Variants in BAZ1A observed in about 807,000 individuals in gnomAD.
The protein encoded by BAZ1A is bromodomain adjacent to zinc finger domain 1A.
BAZ1A carries 50 observed loss-of-function variants against 185.2 expected under a neutral mutation model. The observed-to-expected ratio is 0.27, with a 90% confidence interval of 0.22 to 0.34. BAZ1A has a LOEUF of 0.34. Among genes scored for constraint, BAZ1A ranks in the 10% least tolerant of loss-of-function variants. The probability of loss-of-function intolerance (pLI) is 1.00; values close to 1 mark genes in which losing one functional copy is unlikely to be tolerated. For missense variants in BAZ1A, 1,356 were observed against 1,839.9 expected, an observed-to-expected ratio of 0.74 and a Z score of 4.81; for synonymous variants, 571 against 615.6, an observed-to-expected ratio of 0.93 and a Z score of 1.07.
At chr14:34,795,802 G>C (rs1405800460) in intron 9 of BAZ1A, 37 bp from the exon 10 acceptor site, 2 of 1,493,192 alleles carry the variant, frequency 1.3e-6, no homozygotes, top group Non-Finnish European at 9.3e-7. Context: ...ATTCATGTAA[G>C]AAATTTATAT....
chr14:34,858,461 G>T (rs1292729016), intron 3 of BAZ1A, among the ~76,000 whole-genome samples: 3 of 152,030 alleles, frequency 2.0e-5, no homozygotes, highest in Non-Finnish European at 4.4e-5. Flanking sequence ...AAGTTACAGA[G>T]AAGAAAAAAC....
chr14:34,805,878 CAT>C lies in BAZ1A; in HGVS notation c.726+1571_726+1572del, dbSNP rs71896473. Among the ~76,000 whole-genome samples, 1,429 of 149,830 alleles carry C rather than the reference CAT, an allele frequency of 9.5e-3. 24 individuals carry two copies. Among genetic ancestry groups the C allele is most frequent in the African/African-American group, 0.033 (1,362 of 40,810 alleles). On this transcript the variant is annotated intron_variant, in intron 6 of 26. Transcript: ENST00000360310. ...CCAGCGCTTGCCCTTGAAATCTACA[CAT>C]GACTTTTTTTTTTTTTTTCCCTTAG... is the stretch of plus-strand genomic sequence containing the variant.
chr14:34,844,737 AAC>A (rs2042476007), intron 3 of BAZ1A, among the ~76,000 whole-genome samples: 1 of 151,358 alleles, frequency 6.6e-6, no homozygotes, highest in Non-Finnish European at 1.5e-5. Context: ...TAGCCTGGGC[AAC>A]AGAGTGTGAC....
Position 34,753,576 on chromosome 14 carries a change from G to A in BAZ1A, c.4603C>T (p.Leu1535Phe). The change falls in exon 27 of 27, where the codon CTC becomes TTC. Residue 1535 changes from leucine (L) to phenylalanine (F), a missense_variant. By Grantham distance (22) the Leu-to-Phe change is conservative. Coordinates refer to ENST00000360310, the MANE Select transcript of BAZ1A (RefSeq NM_013448.3). Reference protein sequence around the residue: ...FFHIQAQKLGLHVTPSNVDQV... With the variant: ...FFHIQAQKLGFHVTPSNVDQV... ...TCCACATTACTGGGTGTGACGTGGA[G>A]TCCAAGCTTTTGAGCCTGAATATGA... is the stretch of plus-strand genomic sequence containing the variant. 1 of 1,614,126 alleles carries A rather than the reference G, an allele frequency of 6.2e-7. No homozygotes were observed. Among genetic ancestry groups the A allele is most frequent in the Non-Finnish European group, 8.5e-7 (1 of 1,180,006 alleles).
chr14:34,801,041 G>A (rs543369627), intron 8 of BAZ1A, 53 bp downstream of exon 8: 20 of 1,343,568 alleles, frequency 1.5e-5, no homozygotes, highest in Non-Finnish European at 1.9e-5. Context: ...CAGGCACAGA[G>A]AAATATTCTT....
chr14:34,863,841 T>C (rs965845146), intron 2 of BAZ1A, among the ~76,000 whole-genome samples: 29 of 87,658 alleles, frequency 3.3e-4, no homozygotes, highest in Non-Finnish European at 6.6e-4. Context: ...TAATTCTATA[T>C]TGTTTGAATT....
chr14:34,810,613 A>G (rs1162450909), intron 5 of BAZ1A, among the ~76,000 whole-genome samples: 2 of 152,154 alleles, frequency 1.3e-5, no homozygotes, highest in Non-Finnish European at 2.9e-5. Context: ...AAATGGCTCA[A>G]TAAGTCCATT....
chr14:34,819,745 G>T (rs1329085474), intron 4 of BAZ1A, among the ~76,000 whole-genome samples: 2 of 152,118 alleles, frequency 1.3e-5, no homozygotes, highest in African/African-American at 4.8e-5. Flanking sequence ...CCATGTGCAG[G>T]TTTTTGTGTG....
intron 3 of BAZ1A, among the ~76,000 whole-genome samples, chr14:34,860,410 A>G (rs1318915374): frequency 4.0e-5 from 6 of 149,094 alleles, no homozygotes; most frequent in Non-Finnish European, 8.9e-5. Context: ...CAGGAGGCTG[A>G]GGTGGGAGGA....
chr14:34,818,577 TATA>T (rs1156929621), intron 4 of BAZ1A, among the ~76,000 whole-genome samples: 5 of 152,178 alleles, frequency 3.3e-5, no homozygotes, highest in African/African-American at 1.2e-4. Flanking sequence ...CACAAATGTA[TATA>T]ATGACAGGTA....
In BAZ1A at chr14:34,874,705, C is replaced by A. The variant is rs2043014297; in HGVS notation, c.-58-43G>T. Reference sequence around the variant, plus strand: ...AAAGGAAAGCCGGTAAGGTGGGGAGCCCTCGGCGGCAGCGTGGGCCGGTCC... The same window carrying A: ...AAAGGAAAGCCGGTAAGGTGGGGAGACCTCGGCGGCAGCGTGGGCCGGTCC... On this transcript the variant is annotated intron_variant, in intron 1 of 26. Coordinates refer to ENST00000360310, the MANE Select transcript of BAZ1A (RefSeq NM_013448.3). This position sits in a 1 kb window ranked among gnomAD's most constrained non-coding sequence, Gnocchi z 4.7. 3 of 995,490 alleles carry A rather than the reference C, an allele frequency of 3.0e-6. No homozygotes were observed. Among genetic ancestry groups the A allele is most frequent in the Non-Finnish European group, 4.3e-6 (3 of 693,564 alleles). 61.7% of individuals were successfully genotyped at this position (995,490 alleles called of 1,614,324 possible).
chr14:34,756,404 T>G (rs894242730), intron 25 of BAZ1A, among the ~76,000 whole-genome samples: 1 of 140,408 alleles, frequency 7.1e-6, no homozygotes, highest in African/African-American at 2.5e-5. Context: ...CATGAGCCAC[T>G]GTGCCTGGCC....
chr14:34,798,467 A>G (rs555954822), intron 9 of BAZ1A, among the ~76,000 whole-genome samples: 4 of 152,340 alleles, frequency 2.6e-5, no homozygotes, highest in Admixed American at 1.3e-4. Flanking sequence ...CCTCTGGGAC[A>G]AAGCTTCCAA....
chr14:34,783,957 T>C lies in BAZ1A; in HGVS notation c.1832-30A>G, dbSNP rs571316014. ...CAAAAATTGGTAAATACTTCTGTAT[T>C]ATAAATCGCAGCAAATGAACTGTGT... On this transcript the variant is annotated intron_variant, in intron 14 of 26. Coordinates refer to ENST00000360310, the MANE Select transcript of BAZ1A (RefSeq NM_013448.3). The C allele has an allele frequency of 7.6e-5, 118 of 1,546,494 alleles. 3 individuals carry two copies. The South Asian group carries it at 1.3e-3, about 17-fold the overall frequency.
Position 34,852,487 on chromosome 14 carries a change from C to G in BAZ1A, c.392+9557G>C, listed in dbSNP as rs569217553. ...CAAAAATTAGCTGGGCATGGTGGCA[C>G]GCACGCCCGTATTCCCAGCTACTTG... On this transcript the variant is annotated intron_variant, in intron 3 of 26. Coordinates refer to ENST00000360310, the MANE Select transcript of BAZ1A (RefSeq NM_013448.3). Among the ~76,000 whole-genome samples the G allele has an allele frequency of 6.6e-5, 10 of 152,066 alleles. No homozygotes were observed. In the East Asian group the frequency reaches 1.9e-3, roughly 30 times the overall value.
At chr14:34,859,788 T>C (rs1453169486) in intron 3 of BAZ1A, among the ~76,000 whole-genome samples, 1 of 152,218 alleles carries the variant, frequency 6.6e-6, no homozygotes, top group Non-Finnish European at 1.5e-5. Flanking sequence ...AATAGCTTTG[T>C]AAAAGATGCC....
chr14:34,810,372 T>C (rs543274871), intron 5 of BAZ1A, among the ~76,000 whole-genome samples: 8 of 152,294 alleles, frequency 5.3e-5, no homozygotes, highest in African/African-American at 1.9e-4. Flanking sequence ...CTGTCTCCTT[T>C]GATTAGGCCT....
At chr14:34,782,865 A>G (rs1339839877) in intron 16 of BAZ1A, among the ~76,000 whole-genome samples, 1 of 152,176 alleles carries the variant, frequency 6.6e-6, no homozygotes, top group Admixed American at 6.5e-5. Flanking sequence ...AAAACATCCA[A>G]TCTCAACCCT....
Position 34,773,659 on chromosome 14 carries a change from T to A in BAZ1A, c.3065A>T (p.Asn1022Ile), listed in dbSNP as rs746170656. ...SGRYELLSEE[N>I]KENGIIKTVN... is the part of the protein sequence containing the mutation. ...AGTTTTAATTATCCCATTTTCCTTGTTTTCCTCACTTAACAGCTCATACCG... is the reference window on the plus strand; with the variant it reads ...AGTTTTAATTATCCCATTTTCCTTGATTTCCTCACTTAACAGCTCATACCG... Residue 1022 changes from asparagine to isoleucine, a missense_variant, in exon 20 of 27, where the codon AAC becomes ATC. Asn to Ile is a moderately radical substitution (Grantham distance 149). Coordinates refer to ENST00000360310, the MANE Select transcript of BAZ1A (RefSeq NM_013448.3). 2 of 1,613,498 alleles carry A rather than the reference T, an allele frequency of 1.2e-6. No individual in the cohort carries two copies. Among genetic ancestry groups the A allele is most frequent in the Non-Finnish European group, 1.7e-6 (2 of 1,179,626 alleles).
Sources: allele counts gnomAD v4.1 joint callset (sites outside exome capture counted in the v4.1 genomes callset), GRCh38; gene constraint gnomAD v4.1.1; non-coding constraint Gnocchi (gnomAD v3.1); transcripts MANE v1.5; gene names NCBI Gene and HGNC (gene_info 2026-07-23, HGNC 2026-07-21).